The following VIP variants were observed in gnomAD, a reference collection of about 807,000 sequenced individuals.
The protein encoded by VIP is vasoactive intestinal peptide, also known as VIP peptides.
In VIP, 18 loss-of-function variants were observed where a neutral mutation model predicts 20.1. That is an observed-to-expected ratio of 0.90 (90% confidence interval 0.62 to 1.33). The LOEUF is 1.33. Ranked by LOEUF, VIP falls within the 40% of genes most tolerant of loss-of-function variation. The probability of loss-of-function intolerance (pLI) is 0.00; values close to 1 mark genes in which losing one functional copy is unlikely to be tolerated. For synonymous variants in VIP, 70 were observed against 68.1 expected, an observed-to-expected ratio of 1.03 and a Z score of -0.14; for missense variants, 209 against 199.4, an observed-to-expected ratio of 1.05 and a Z score of -0.29.
rs1213613718 is a variant in VIP, at chr6:152,759,736, A to G, written c.*870A>G. The G allele has an allele frequency of 6.6e-5, 10 of 152,004 alleles. No homozygotes were observed. Among genetic ancestry groups the G allele is most frequent in the African/African-American group, 2.4e-4 (10 of 41,426 alleles). 9.4% of individuals were successfully genotyped at this position (152,004 alleles called of 1,614,324 possible). A position where few individuals can be genotyped will look rare whatever the true frequency, so the allele number is the denominator to read the frequency against. ...TAATTTTAAGAAATCAAAGAGAGAA[A>G]ATAAAGACCTTGCTTATGATTGCAG... On this transcript the variant is annotated 3_prime_UTR_variant, in exon 7 of 7. Transcript: ENST00000367244.
chr6:152,756,992 C>T, intron 5 of VIP, 104 bp from the exon 6 acceptor site: 1 of 1,093,432 alleles, frequency 9.1e-7, no homozygotes, highest in South Asian at 1.7e-5. Flanking sequence ...TCCCCATACA[C>T]TTTCAGAGCA....
chr6:152,751,140 A>G (rs539933223), intron 1 of VIP, among the ~76,000 whole-genome samples, 181 bp downstream of exon 1: 24 of 152,226 alleles, frequency 1.6e-4, no homozygotes, highest in Middle Eastern at 3.4e-3. Flanking sequence ...TCTCATATGG[A>G]TAGATTTTCT....
At chr6:152,755,095 T>G (rs2099730216) in intron 3 of VIP, among the ~76,000 whole-genome samples, 174 bp from the exon 4 acceptor site, 1 of 151,974 alleles carries the variant, frequency 6.6e-6, no homozygotes, top group Admixed American at 6.6e-5. Context: ...TATCTTGATA[T>G]AAGTGACTAG....
chr6:152,754,070 C>T, intron 2 of VIP, 96 bp from the exon 3 acceptor site: 2 of 1,355,792 alleles, frequency 1.5e-6, no homozygotes, highest in South Asian at 1.7e-5. Flanking sequence ...TAATACTTCC[C>T]AAGAGTCTAA....
intron 6 of VIP, among the ~76,000 whole-genome samples, chr6:152,758,643 C>T (rs1259035107): frequency 1.3e-5 from 2 of 151,890 alleles, no homozygotes; most frequent in African/African-American, 2.4e-5. Context: ...AAGAGGAAAT[C>T]ATGTGGGTCA....
At chr6:152,758,066 A>G (rs2099730696) in intron 6 of VIP, among the ~76,000 whole-genome samples, 1 of 152,014 alleles carries the variant, frequency 6.6e-6, no homozygotes, top group South Asian at 2.1e-4. Flanking sequence ...TAACTCTGCT[A>G]TGGTAGCACA....
Position 152,752,401 on chromosome 6 carries a change from T to C in VIP, c.107+117T>C, listed in dbSNP as rs975254417. ...AATTATGTATTATGTATTTAAATTT[T>C]TCCTTGATGTGTTGAGTGAGAGGTG... On this transcript the variant is annotated intron_variant, in intron 2 of 6. Transcript: ENST00000367244. 4 of 816,220 alleles carry C rather than the reference T, an allele frequency of 4.9e-6. No homozygotes were observed. In the African/African-American group the frequency reaches 6.9e-5, roughly 14 times the overall value. 50.6% of individuals were successfully genotyped at this position (816,220 alleles called of 1,614,324 possible).
chr6:152,752,848 C>T (rs1192158214), intron 2 of VIP, among the ~76,000 whole-genome samples: 4 of 151,924 alleles, frequency 2.6e-5, no homozygotes, highest in Non-Finnish European at 5.9e-5. Context: ...TTTGTTTGGA[C>T]CATAAATCCT....
At position 152,756,143 on chromosome 6, in the gene VIP, C is replaced by T; in HGVS notation, c.345C>T (p.Ile115=). The change falls in exon 5 of 7, where the codon ATC becomes ATT. Residue 115 remains isoleucine (I), a synonymous_variant. Coordinates refer to ENST00000367244, the MANE Select transcript of VIP (RefSeq NM_003381.4). ...TCCTCATGTTCCTTAGCAGTAACAT[C>T]TCAGAAGACCCTGTACCAGTCAAAC... The part of the protein sequence containing the change: ...SLMGKRVSSN[I]SEDPVPVKRH... 2 of 1,575,194 alleles carry T rather than the reference C, an allele frequency of 1.3e-6. No homozygotes were observed. Among genetic ancestry groups the T allele is most frequent in the Non-Finnish European group, 1.7e-6 (2 of 1,162,588 alleles).
Position 152,756,272 on chromosome 6 carries a change from A to G in VIP, c.467+7A>G. ...TTCTGAATGGAAAGAGGAGGTAAAG[A>G]AAAAGAGAACTTGCTAAAATGAGGA... is the stretch of plus-strand genomic sequence containing the variant. On this transcript the variant is annotated splice_region_variant and intron_variant, in intron 5 of 6. Transcript: ENST00000367244. The G allele has an allele frequency of 6.2e-7, 1 of 1,602,318 alleles. No individual in the cohort carries two copies. The highest frequency in any genetic ancestry group is 8.5e-7 in the Non-Finnish European group (1 of 1,175,470).
At chr6:152,755,692 G>A (rs1000185359) in intron 4 of VIP, among the ~76,000 whole-genome samples, 2 of 151,722 alleles carry the variant, frequency 1.3e-5, no homozygotes, top group Non-Finnish European at 2.9e-5. Flanking sequence ...TAAATTTTAA[G>A]GTCAAACAGA....
Position 152,752,210 on chromosome 6 carries a change from G to T in VIP, c.33G>T (p.Val11=). 6.2e-7 allele frequency: 1 copy of T among 1,613,464 alleles called. No homozygotes were observed. The highest frequency in any genetic ancestry group is 2.2e-5 in the East Asian group (1 of 44,826). MDTRNKAQLL[V]LLTLLSVLFS... The stretch of plus-strand genomic sequence containing the variant: ...CCAGAAATAAGGCCCAGCTCCTTGT[G>T]CTCCTGACTCTTCTCAGTGTGCTCT... Residue 11 remains valine, a synonymous_variant, in exon 2 of 7, where the codon GTG becomes GTT. Transcript: ENST00000367244.
At position 152,758,926 on chromosome 6, in the gene VIP, T is replaced by C. The variant is rs688136; in HGVS notation, c.*60T>C. The C allele has an allele frequency of 0.41, 62,250 of 152,158 alleles. 13,436 individuals are homozygous for C. Among genetic ancestry groups the C allele is most frequent in the African/African-American group, 0.56 (23,042 of 41,428 alleles). 9.4% of individuals were successfully genotyped at this position (152,158 alleles called of 1,614,324 possible). A position where few individuals can be genotyped will look rare whatever the true frequency, so the allele number is the denominator to read the frequency against. On this transcript the variant is annotated 3_prime_UTR_variant, in exon 7 of 7. Coordinates refer to ENST00000367244, the MANE Select transcript of VIP (RefSeq NM_003381.4). ...CTTTTTCAGAATTCTTGAAGGAAAA[T>C]GATACGCAACATAATTAAATTTTGA...
In VIP at chr6:152,754,200, G is replaced by A. The variant is rs2099730074; in HGVS notation, c.142G>A (p.Glu48Lys). The A allele has an allele frequency of 2.5e-6, 4 of 1,611,458 alleles. No individual in the cohort carries two copies. In the East Asian group the frequency reaches 6.7e-5, roughly 27 times the overall value. ...GDRIPFEGAN[E>K]PDQVSLKEDI... ...CAGAATACCCTTTGAGGGAGCAAAT[G>A]AACCTGATCAAGTTTCATTAAAAGA... The change falls in exon 3 of 7, where the codon GAA becomes AAA. Residue 48 changes from glutamate (E) to lysine (K), a missense_variant. Coordinates refer to ENST00000367244, the MANE Select transcript of VIP (RefSeq NM_003381.4).
intron 2 of VIP, among the ~76,000 whole-genome samples, chr6:152,753,258 T>A (rs1012179451): frequency 6.6e-6 from 1 of 152,116 alleles, no homozygotes; most frequent in African/African-American, 2.4e-5. Flanking sequence ...TTTGTGTTGA[T>A]TGCTAAGCTT....
intron 3 of VIP, among the ~76,000 whole-genome samples, chr6:152,754,992 A>G (rs1700015694): frequency 6.6e-6 from 1 of 152,010 alleles, no homozygotes; most frequent in Non-Finnish European, 1.5e-5. Flanking sequence ...AGAAATAGTT[A>G]TAAAGATTCA....
rs1430097435 is a variant in VIP at position 152,754,030 on chromosome 6, A to T, written c.108-136A>T. 3 of 977,954 alleles carry T rather than the reference A, an allele frequency of 3.1e-6. No homozygotes were observed. In the African/African-American group the frequency reaches 5.0e-5, roughly 16 times the overall value. 60.6% of individuals were successfully genotyped at this position (977,954 alleles called of 1,614,324 possible). On this transcript the variant is annotated intron_variant, in intron 2 of 6. Coordinates refer to ENST00000367244, the MANE Select transcript of VIP (RefSeq NM_003381.4). ...CATTAACTATATGAGCCATTAAGTC[A>T]AATTATGCTATTCTCATATTATGAC...
chr6:152,755,819 T>TAA (rs1565405501), intron 4 of VIP, among the ~76,000 whole-genome samples: 1 of 151,216 alleles, frequency 6.6e-6, no homozygotes, highest in African/African-American at 2.4e-5. Context: ...TATGTTTTTT[T>TAA]TAAAAAAAAA....
rs2099730923 is a variant in VIP at position 152,759,558 on chromosome 6, T to A, written c.*692T>A. 6.6e-6 allele frequency: 1 copy of A among 151,916 alleles called. No homozygotes were observed. Among genetic ancestry groups the A allele is most frequent in the Non-Finnish European group, 1.5e-5 (1 of 67,954 alleles). 9.4% of individuals were successfully genotyped at this position (151,916 alleles called of 1,614,324 possible). On this transcript the variant is annotated 3_prime_UTR_variant, in exon 7 of 7. Transcript: ENST00000367244. Reference sequence around the variant, plus strand: ...CTTCTGACACTGAAACTTCCCTTTCTGCTTGTGTTAAGTATGTGTAAAATG... The same window carrying A: ...CTTCTGACACTGAAACTTCCCTTTCAGCTTGTGTTAAGTATGTGTAAAATG...
Sources: allele counts gnomAD v4.1 joint callset (sites outside exome capture counted in the v4.1 genomes callset), GRCh38; gene constraint gnomAD v4.1.1; transcripts MANE v1.5; gene names NCBI Gene and HGNC (gene_info 2026-07-23, HGNC 2026-07-21).